The following PCDHAC2 variants were observed in gnomAD, a reference collection of about 807,000 sequenced individuals.
PCDHAC2 encodes the protein protocadherin alpha subfamily C, 2.
A neutral mutation model predicts 63.3 loss-of-function variants in PCDHAC2; 24 were observed. The observed-to-expected ratio is 0.38, with a 90% CI of 0.27 to 0.53. PCDHAC2 has a LOEUF of 0.53. Among genes scored for constraint, PCDHAC2 ranks in the 20% least tolerant of loss-of-function variants. The pLI, the probability that PCDHAC2 is intolerant of heterozygous loss-of-function variation, is 0.81. For synonymous variants in PCDHAC2, 569 were observed against 529.4 expected, an observed-to-expected ratio of 1.07 and a Z score of -1.03; for missense variants, 1,181 against 1,275.2, an observed-to-expected ratio of 0.93 and a Z score of 1.12.
Position 140,967,278 on chromosome 5 carries a change from G to T in PCDHAC2, c.512G>T (p.Ser171Ile). ...CCTGGAGCGCGCTTTCACATAGAGA[G>T]TGCGCAGGACCCCGACGTGGGCGCC... ...VAPGARFHIESAQDPDVGANS... is the reference protein window; with the variant it reads ...VAPGARFHIEIAQDPDVGANS... The change falls in exon 1 of 4, where the codon AGT becomes ATT. Residue 171 changes from serine (S) to isoleucine (I), a missense_variant. Physicochemically the swap from Ser to Ile is moderately radical, Grantham distance 142. Coordinates refer to ENST00000289269, the MANE Select transcript of PCDHAC2 (RefSeq NM_018899.6). 6.2e-7 allele frequency: 1 copy of T among 1,613,408 alleles called. No homozygotes were observed. The highest frequency in any genetic ancestry group is 8.5e-7 in the Non-Finnish European group (1 of 1,179,760).
intron 1 of PCDHAC2, 52 bp downstream of exon 1, chr5:140,969,383 C>T: frequency 6.3e-6 from 10 of 1,597,986 alleles, no homozygotes; most frequent in African/African-American, 1.3e-5. Context: ...TGTTACACAT[C>T]CCCCAATATC....
chr5:140,988,444 A>G (rs1554250146), intron 3 of PCDHAC2, among the ~76,000 whole-genome samples: 1 of 152,112 alleles, frequency 6.6e-6, no homozygotes, highest in Non-Finnish European at 1.5e-5. Flanking sequence ...GATTGACCTG[A>G]AGGGAGGAAG....
intron 1 of PCDHAC2, among the ~76,000 whole-genome samples, chr5:140,969,974 A>G (rs11750201): frequency 0.017 from 2,514 of 152,228 alleles, 25 homozygotes; most frequent in Middle Eastern, 0.037. Flanking sequence ...TGATGTGGCA[A>G]CTCTTCTGTA....
At chr5:141,000,389 CTCTCTCTATA>C (rs1363755181) in intron 3 of PCDHAC2, among the ~76,000 whole-genome samples, 150 of 62,510 alleles carry the variant, frequency 2.4e-3, no homozygotes, top group African/African-American at 5.3e-3. Context: ...CTCTCTCTCT[CTCTCTCTATA>C]TATATATATA....
At chr5:140,974,240 A>G (rs1554235899) in intron 1 of PCDHAC2, among the ~76,000 whole-genome samples, 1 of 152,188 alleles carries the variant, frequency 6.6e-6, no homozygotes, top group African/African-American at 2.4e-5. Context: ...CTTGGCATAT[A>G]AGCACCATCA....
intron 3 of PCDHAC2, among the ~76,000 whole-genome samples, chr5:140,982,908 C>A (rs1554244948): frequency 2.0e-5 from 3 of 151,668 alleles, no homozygotes; most frequent in Non-Finnish European, 2.9e-5. Flanking sequence ...GCCTTATGCA[C>A]AGAGATGACA....
rs1239466478 is a variant in PCDHAC2 at position 140,967,842 on chromosome 5, A to G, written c.1076A>G (p.Asn359Ser). ...CKVLVDIVDVNDNAPEVVLTD... is the reference protein window; with the variant it reads ...CKVLVDIVDVSDNAPEVVLTD... ...GTGCTGGTGGACATCGTGGACGTGA[A>G]TGACAATGCCCCAGAGGTGGTGCTC... is the stretch of plus-strand genomic sequence containing the variant. The change falls in exon 1 of 4, where the codon AAT (asparagine) becomes AGT (serine). Residue 359 changes from asparagine (N) to serine (S), a missense_variant. Physicochemically the swap from Asn to Ser is conservative, Grantham distance 46. Coordinates refer to ENST00000289269, the MANE Select transcript of PCDHAC2 (RefSeq NM_018899.6). The G allele has an allele frequency of 6.2e-7, 1 of 1,614,042 alleles. No individual in the cohort carries two copies. Among genetic ancestry groups the G allele is most frequent in the Non-Finnish European group, 8.5e-7 (1 of 1,180,056 alleles).
In PCDHAC2 at chr5:140,978,905, T is replaced by C. The variant is rs782532288; in HGVS notation, c.2566-44T>C. 9 of 1,613,632 alleles carry C rather than the reference T, an allele frequency of 5.6e-6. No homozygotes were observed. In the South Asian group the frequency reaches 9.9e-5, roughly 18 times the overall value. On this transcript the variant is annotated intron_variant, in intron 1 of 3. Coordinates refer to ENST00000289269, the MANE Select transcript of PCDHAC2 (RefSeq NM_018899.6). ...AATTAGCAGCATTCCTGGGAGAACA[T>C]TGTCTTGTCATTTTAACAGAAAACT...
At chr5:140,976,833 C>T (rs2096733011) in intron 1 of PCDHAC2, among the ~76,000 whole-genome samples, 1 of 152,140 alleles carries the variant, frequency 6.6e-6, no homozygotes, top group Non-Finnish European at 1.5e-5. Flanking sequence ...ATGAGCAAAA[C>T]AGATATAATC....
rs906572071 is a variant in PCDHAC2 at position 140,969,214 on chromosome 5, A to G, written c.2448A>G (p.Gly816=). Residue 816 remains glycine (G), a synonymous_variant, in exon 1 of 4, where the codon GGA becomes GGG. Transcript: ENST00000289269. The stretch of plus-strand genomic sequence containing the variant: ...TTTACAATACAGGGGCCCAGACAGG[A>G]CCAGGGCCTTCGGGAGCCCAAGCAG... ...FMFYNTGAQT[G]PGPSGAQAAV... is the part of the protein sequence containing the mutation. The G allele has an allele frequency of 3.1e-6, 5 of 1,614,194 alleles. No homozygotes were observed. Among genetic ancestry groups the G allele is most frequent in the Non-Finnish European group, 4.2e-6 (5 of 1,180,040 alleles).
In PCDHAC2 at chr5:140,982,506, C is replaced by T. The variant is rs139355257; in HGVS notation, c.2656C>T (p.Arg886Trp). The change falls in exon 3 of 4, where the codon CGG (arginine) becomes TGG (tryptophan). Residue 886 changes from arginine to tryptophan, a missense_variant. Arg to Trp is a moderately radical substitution (Grantham distance 101). Coordinates refer to ENST00000289269, the MANE Select transcript of PCDHAC2 (RefSeq NM_018899.6). ...GCACCTAGAGGAGGCTGGCATTCTACGGGCTGGTCCAGGAGGGCCTGATCA... is the reference window on the plus strand; with the variant it reads ...GCACCTAGAGGAGGCTGGCATTCTATGGGCTGGTCCAGGAGGGCCTGATCA... The part of the protein sequence containing the change: ...SVHLEEAGIL[R>W]AGPGGPDQQW... The T allele has an allele frequency of 3.5e-5, 57 of 1,614,162 alleles. No individual in the cohort carries two copies. Among genetic ancestry groups the T allele is most frequent in the Middle Eastern group, 3.3e-4 (2 of 6,058 alleles).
rs1554262229 is a variant in PCDHAC2, at chr5:141,009,613, G to A, written c.2714-14G>A. ...GTTGACCCTGTTAATGATTTGTAATGTTTTGTCTTTCAGAACCAGAGGCAG... is the reference window on the plus strand; with the variant it reads ...GTTGACCCTGTTAATGATTTGTAATATTTTGTCTTTCAGAACCAGAGGCAG... On this transcript the variant is annotated splice_polypyrimidine_tract_variant and intron_variant, in intron 3 of 3. Coordinates refer to ENST00000289269, the MANE Select transcript of PCDHAC2 (RefSeq NM_018899.6). The A allele has an allele frequency of 6.2e-7, 1 of 1,611,932 alleles. No individual in the cohort carries two copies. Among genetic ancestry groups the A allele is most frequent in the Non-Finnish European group, 8.5e-7 (1 of 1,178,618 alleles).
chr5:140,982,120 T>C (rs1554243763), intron 2 of PCDHAC2, among the ~76,000 whole-genome samples: 1 of 152,256 alleles, frequency 6.6e-6, no homozygotes, highest in Non-Finnish European at 1.5e-5. Context: ...CTTGGAACTT[T>C]TGAGAACAAG....
chr5:140,968,208 AC>A lies in PCDHAC2; in HGVS notation c.1443del (p.Asn481LysfsTer24). ...TCCTATTCCATCTACATACAGGAGA[AC>A]AATTTGCCAGGTGTGTTGCTCTGTA... ...EDSYSIYIQENNLPGVLLCTV... is the reference protein window; with the variant it reads ...EDSYSIYIQEXNLPGVLLCTV... On this transcript the variant is annotated frameshift_variant, in exon 1 of 4. Transcript: ENST00000289269. LOFTEE classifies it high-confidence loss of function. 1 of 1,614,022 alleles carries A rather than the reference AC, an allele frequency of 6.2e-7. No homozygotes were observed. Among genetic ancestry groups the A allele is most frequent in the Non-Finnish European group, 8.5e-7 (1 of 1,180,028 alleles).
At chr5:140,983,138 G>C (rs1217034245) in intron 3 of PCDHAC2, among the ~76,000 whole-genome samples, 1 of 152,170 alleles carries the variant, frequency 6.6e-6, no homozygotes, top group Non-Finnish European at 1.5e-5. Flanking sequence ...CTGACTTTTA[G>C]TGCCTTGGCA....
intron 3 of PCDHAC2, among the ~76,000 whole-genome samples, chr5:140,995,133 T>C (rs1397108502): frequency 6.6e-6 from 1 of 152,230 alleles, no homozygotes; most frequent in Non-Finnish European, 1.5e-5. Flanking sequence ...TGAAACCTCA[T>C]TTAGTACTGA....
intron 3 of PCDHAC2, among the ~76,000 whole-genome samples, chr5:140,997,397 A>G (rs782082443): frequency 4.6e-5 from 7 of 152,194 alleles, no homozygotes; most frequent in African/African-American, 7.2e-5. Flanking sequence ...CTTAGGCTCT[A>G]TCGTATGGCC....
At chr5:141,007,878 C>G (rs1316002060) in intron 3 of PCDHAC2, among the ~76,000 whole-genome samples, 5 of 152,212 alleles carry the variant, frequency 3.3e-5, no homozygotes, top group African/African-American at 7.2e-5. Flanking sequence ...TTGTCTTACA[C>G]TTCTTTAAAA....
Position 140,967,709 on chromosome 5 carries a change from G to T in PCDHAC2, c.943G>T (p.Gly315Trp). Residue 315 changes from glycine to tryptophan, a missense_variant, in exon 1 of 4, where the codon GGG (glycine) becomes TGG (tryptophan). This residue lies in a region of PCDHAC2 where 968 missense variants were observed against 1,073.5 expected (regional missense o/e 0.90). Transcript: ENST00000289269. ...RQLFSIDAST[G>W]EVRVIGGLDY... ...GCTCTTCAGCATAGATGCCAGTACC[G>T]GGGAAGTGCGAGTAATTGGGGGGCT... The T allele has an allele frequency of 6.2e-7, 1 of 1,614,140 alleles. No homozygotes were observed. Among genetic ancestry groups the T allele is most frequent in the Non-Finnish European group, 8.5e-7 (1 of 1,180,034 alleles).
Sources: gnomAD v4.1 joint callset for allele counts (sites outside exome capture counted in the v4.1 genomes callset) on GRCh38, gnomAD v4.1.1 for gene constraint, gnomAD v4.1.1 regional missense constraint, MANE v1.5 for transcripts, NCBI Gene and HGNC (gene_info 2026-07-23, HGNC 2026-07-21) for gene names.